ZNF469: variants seen among roughly 807,000 people sequenced by gnomAD.
ZNF469 encodes zinc finger protein 469.
Under a neutral mutation model 1.0 loss-of-function variants are expected in ZNF469, and 1 was observed. The ratio of observed to expected loss-of-function variants is 1.00; its 90% CI spans 0.35 to 4.73. The LOEUF is 4.73. Ranked by LOEUF, ZNF469 falls within the 30% of genes most tolerant of loss-of-function variation. The probability of loss-of-function intolerance (pLI) is 0.16; values close to 1 mark genes in which losing one functional copy is unlikely to be tolerated. For synonymous variants in ZNF469, 2,703 were observed against 2,363.4 expected, an observed-to-expected ratio of 1.14 and a Z score of -4.17; for missense variants, 6,100 against 5,356.3, an observed-to-expected ratio of 1.14 and a Z score of -4.33.
At position 88,428,831 on chromosome 16, in the gene ZNF469, G is replaced by A; in HGVS notation, c.1361G>A (p.Gly454Asp). 6.5e-7 allele frequency: 1 copy of A among 1,547,668 alleles called. No individual in the cohort carries two copies. ...TAAPYPTPPG[G>D]PLAATRSMFF... ...GCCCCTTACCCCACACCTCCTGGGG[G>A]CCCCCTGGCTGCCACCAGGAGTATG... The change falls in exon 3 of 3, where the codon GGC becomes GAC. Residue 454 changes from glycine (G) to aspartate (D), a missense_variant. Transcript: ENST00000565624.
chr16:88,303,595 T>C, the ZNF469 span, among the ~76,000 whole-genome samples: 2 of 152,272 alleles, frequency 1.3e-5, no homozygotes, highest in Non-Finnish European at 2.9e-5. Flanking sequence ...GGAGAAGCCC[T>C]CCCGAGGGCA....
the ZNF469 span, among the ~76,000 whole-genome samples, chr16:88,353,782 C>T: frequency 4.6e-5 from 7 of 152,178 alleles, no homozygotes; most frequent in Admixed American, 1.3e-4. Context: ...ATGACGGAGG[C>T]AGAGATTCTG....
chr16:88,333,393 T>C, the ZNF469 span, among the ~76,000 whole-genome samples: 1 of 182 alleles, frequency 5.5e-3, no homozygotes, highest in African/African-American at 0.045. Flanking sequence ...GAGGGGCCCA[T>C]GGGTGGAGAA....
At chr16:88,354,996 C>G in the ZNF469 span, among the ~76,000 whole-genome samples, 4 of 152,268 alleles carry the variant, frequency 2.6e-5, no homozygotes, top group South Asian at 8.3e-4. Context: ...CCCTTGTCCC[C>G]GCTAGGGGAA....
At chr16:88,299,665 G>T in the ZNF469 span, among the ~76,000 whole-genome samples, 1 of 152,190 alleles carries the variant, frequency 6.6e-6, no homozygotes, top group Non-Finnish European at 1.5e-5. Context: ...TCCCACTCCA[G>T]CTGAGTGCCA....
chr16:88,259,830 G>A, the ZNF469 span, among the ~76,000 whole-genome samples: 5 of 152,184 alleles, frequency 3.3e-5, no homozygotes, highest in Non-Finnish European at 7.3e-5. The surrounding 1 kb of genome is among the most constrained non-coding windows in gnomAD (Gnocchi z 4.1). Flanking sequence ...AGGCTCCGCC[G>A]AAGACCCTCC....
chr16:88,348,116 C>T, the ZNF469 span, among the ~76,000 whole-genome samples: 6 of 152,354 alleles, frequency 3.9e-5, no homozygotes, highest in South Asian at 6.2e-4. Context: ...CCTGCCCCTT[C>T]GCATCTGTGT....
chr16:88,187,896 G>T, the ZNF469 span, among the ~76,000 whole-genome samples: 2 of 151,996 alleles, frequency 1.3e-5, no homozygotes, highest in African/African-American at 4.8e-5. Context: ...CTGTGCTGTT[G>T]TCTCTTTTTC....
chr16:88,408,879 T>C (rs1037899639), intron 1 of ZNF469, among the ~76,000 whole-genome samples: 2 of 151,898 alleles, frequency 1.3e-5, no homozygotes. Flanking sequence ...ATTTCTTCCC[T>C]ACTTTTTCTC....
chr16:88,260,269 G>A, the ZNF469 span, among the ~76,000 whole-genome samples: 3 of 152,090 alleles, frequency 2.0e-5, no homozygotes, highest in African/African-American at 7.2e-5. This position sits in a 1 kb window ranked among gnomAD's most constrained non-coding sequence, Gnocchi z 4.1. Flanking sequence ...GTTGACAGGC[G>A]CGAGCCACCG....
At chr16:88,202,882 C>T in the ZNF469 span, among the ~76,000 whole-genome samples, 2 of 152,076 alleles carry the variant, frequency 1.3e-5, no homozygotes, top group African/African-American at 4.8e-5. Flanking sequence ...ATGAGGGCCT[C>T]GTGGTGGCCT....
At chr16:88,188,053 G>A in the ZNF469 span, among the ~76,000 whole-genome samples, 1 of 152,112 alleles carries the variant, frequency 6.6e-6, no homozygotes, top group South Asian at 2.1e-4. Flanking sequence ...CTCCACTTTG[G>A]AGCTCAGGGC....
At chr16:88,246,173 G>A in the ZNF469 span, among the ~76,000 whole-genome samples, 1 of 152,244 alleles carries the variant, frequency 6.6e-6, no homozygotes, top group Non-Finnish European at 1.5e-5. Flanking sequence ...GCTCCGCCTT[G>A]CCCATGTTCA....
chr16:88,367,740 A>G, the ZNF469 span, among the ~76,000 whole-genome samples: 17 of 152,344 alleles, frequency 1.1e-4, no homozygotes, highest in African/African-American at 3.8e-4. Flanking sequence ...GCAGCTGCTC[A>G]TCGGCTGGTC....
intron 1 of ZNF469, among the ~76,000 whole-genome samples, chr16:88,422,547 G>T (rs1261748951): frequency 6.7e-6 from 1 of 149,766 alleles, no homozygotes; most frequent in Non-Finnish European, 1.5e-5. Flanking sequence ...GCAGGTGGAT[G>T]GGGGGATGGG....
Position 88,434,589 on chromosome 16 carries a change from C to G in ZNF469, c.7119C>G (p.Ser2373Arg), listed in dbSNP as rs1418538249. 6.5e-7 allele frequency: 1 copy of G among 1,550,314 alleles called. No individual in the cohort carries two copies. Among genetic ancestry groups the G allele is most frequent in the Non-Finnish European group, 8.7e-7 (1 of 1,146,926 alleles). ...PACLEGEMGT[S>R]SKEPEDPGTP... ...GCCTGGAAGGTGAGATGGGGACCAG[C>G]AGCAAGGAGCCGGAGGACCCAGGGA... Residue 2373 changes from serine (S) to arginine (R), a missense_variant, in exon 3 of 3, where the codon AGC (serine) becomes AGG (arginine). Ser to Arg is a moderately radical substitution (Grantham distance 110). Transcript: ENST00000565624.
chr16:88,425,889 G>C (rs1905677598), intron 2 of ZNF469, among the ~76,000 whole-genome samples: 1 of 152,186 alleles, frequency 6.6e-6, no homozygotes, highest in South Asian at 2.1e-4. Context: ...TGTGGAGTTT[G>C]CAGGCTGGGA....
chr16:88,307,371 C>T, the ZNF469 span, among the ~76,000 whole-genome samples: 2 of 152,214 alleles, frequency 1.3e-5, no homozygotes, highest in Admixed American at 1.3e-4. Context: ...AGCAGCATTG[C>T]TGGTCGTACA....
chr16:88,228,479 G>A, the ZNF469 span, among the ~76,000 whole-genome samples: 515 of 152,340 alleles, frequency 3.4e-3, 3 homozygotes, highest in African/African-American at 0.011. Flanking sequence ...GAGAGGGCAC[G>A]GCAATGGTGG....
Sources: gnomAD v4.1 joint callset for allele counts (sites outside exome capture counted in the v4.1 genomes callset) on GRCh38, gnomAD v4.1.1 for gene constraint, Gnocchi (gnomAD v3.1) non-coding constraint, MANE v1.5 for transcripts, NCBI Gene and HGNC (gene_info 2026-07-23, HGNC 2026-07-21) for gene names.